Variants in TBC1D5 observed in about 807,000 individuals in gnomAD.
TBC1D5 encodes the protein TBC1 domain family member 5.
A neutral mutation model predicts 100.3 loss-of-function variants in TBC1D5; 75 were observed. That is an observed-to-expected ratio of 0.75 (90% CI 0.62 to 0.91). The LOEUF (loss-of-function observed/expected upper bound fraction) is 0.91, where lower values mean the gene tolerates loss of function less well. TBC1D5 is among the 40% of genes least tolerant of loss of function. The probability of loss-of-function intolerance (pLI) is 0.00; values close to 1 mark genes in which losing one functional copy is unlikely to be tolerated. For synonymous variants in TBC1D5, 323 were observed against 325.6 expected, an observed-to-expected ratio of 0.99 and a Z score of 0.09; for missense variants, 910 against 942.4, an observed-to-expected ratio of 0.97 and a Z score of 0.45.
intron 8 of TBC1D5, among the ~76,000 whole-genome samples, chr3:17,394,065 G>C (rs761678775): frequency 2.0e-5 from 3 of 152,016 alleles, no homozygotes; most frequent in Non-Finnish European, 2.9e-5. Flanking sequence ...AGAGATCAGG[G>C]ATCTGCTAAA....
intron 14 of TBC1D5, among the ~76,000 whole-genome samples, chr3:17,303,700 A>G (rs999275514): frequency 6.6e-5 from 10 of 151,976 alleles, no homozygotes; most frequent in Non-Finnish European, 1.5e-4. Context: ...AATTTTCCCT[A>G]ATCTTTTCCT....
intron 2 of TBC1D5, among the ~76,000 whole-genome samples, chr3:17,555,244 T>C (rs1220688249): frequency 1.3e-5 from 2 of 152,204 alleles, no homozygotes; most frequent in Non-Finnish European, 2.9e-5. Flanking sequence ...TTTAGAAGTT[T>C]ATTTTGCCAA....
intron 1 of TBC1D5, among the ~76,000 whole-genome samples, chr3:17,667,734 G>A (rs966312318): frequency 1.9e-4 from 29 of 152,108 alleles, no homozygotes; most frequent in Non-Finnish European, 2.9e-4. Context: ...TTACAAGCAT[G>A]AGCCACGGTG....
intron 15 of TBC1D5, among the ~76,000 whole-genome samples, chr3:17,273,692 A>T (rs1164338364): frequency 6.6e-6 from 1 of 151,890 alleles, no homozygotes; most frequent in Non-Finnish European, 1.5e-5. Context: ...CTGTAATCCC[A>T]GCTACTTGGG....
At chr3:17,627,844 A>C (rs2063183962) in intron 1 of TBC1D5, among the ~76,000 whole-genome samples, 1 of 152,182 alleles carries the variant, frequency 6.6e-6, no homozygotes, top group Non-Finnish European at 1.5e-5. Context: ...CATGCAAAGT[A>C]AATGCCCATA....
intron 13 of TBC1D5, among the ~76,000 whole-genome samples, chr3:17,344,151 T>A (rs1223538414): frequency 6.6e-6 from 1 of 152,158 alleles, no homozygotes; most frequent in African/African-American, 2.4e-5. Flanking sequence ...GACATGATTG[T>A]ATTATCTAGA....
chr3:17,193,818 C>A (rs1466163845), intron 18 of TBC1D5, among the ~76,000 whole-genome samples: 1 of 152,178 alleles, frequency 6.6e-6, no homozygotes, highest in Non-Finnish European at 1.5e-5. Context: ...ATAGCTAATA[C>A]ATGTAAAATG....
At chr3:17,657,648 C>A (rs2153733931) in intron 1 of TBC1D5, among the ~76,000 whole-genome samples, 1 of 152,256 alleles carries the variant, frequency 6.6e-6, no homozygotes, top group African/African-American at 2.4e-5. Flanking sequence ...CAAATTCTTT[C>A]TTTAGCTGCA....
At chr3:17,302,991 G>A (rs2083012437) in intron 14 of TBC1D5, among the ~76,000 whole-genome samples, 1 of 152,188 alleles carries the variant, frequency 6.6e-6, no homozygotes, top group Admixed American at 6.6e-5. Flanking sequence ...GAAAGCTGGG[G>A]CTGGCAAATT....
chr3:17,245,022 C>CAAAA (rs34531807), intron 16 of TBC1D5, among the ~76,000 whole-genome samples: 78 of 34,836 alleles, frequency 2.2e-3, no homozygotes, highest in Non-Finnish European at 2.3e-3. Context: ...CCTGTCTCTA[C>CAAAA]AAAAAAAAAA....
intron 1 of TBC1D5, among the ~76,000 whole-genome samples, chr3:17,709,177 A>G (rs763309267): frequency 4.6e-5 from 7 of 152,236 alleles, no homozygotes; most frequent in Non-Finnish European, 7.3e-5. Flanking sequence ...GAATACAAAG[A>G]GTTTTAAATA....
intron 15 of TBC1D5, among the ~76,000 whole-genome samples, chr3:17,289,111 G>C (rs1246324692): frequency 6.6e-6 from 1 of 152,212 alleles, no homozygotes; most frequent in African/African-American, 2.4e-5. Flanking sequence ...TCTACCATGG[G>C]AGTGGCTTGC....
chr3:17,356,792 G>T (rs9830240), intron 13 of TBC1D5, among the ~76,000 whole-genome samples: 74,348 of 151,750 alleles, frequency 0.49, 19,442 homozygotes, highest in African/African-American at 0.64. Context: ...ACACACCCTG[G>T]GGTTCTGAAA....
At chr3:17,160,788 C>T in exon 22 of TBC1D5, 1 of 819,680 alleles carries the variant, frequency 1.2e-6, no homozygotes, top group Non-Finnish European at 1.8e-6. Context: ...AGCCTCTGTG[C>T]TTTGTGGCCA....
intron 3 of TBC1D5, among the ~76,000 whole-genome samples, chr3:17,501,491 C>T (rs1181125039): frequency 6.7e-6 from 1 of 148,796 alleles, no homozygotes; most frequent in Non-Finnish European, 1.5e-5. Flanking sequence ...CCACCCTCAC[C>T]ATCCCTGTTA....
At chr3:17,430,413 C>G (rs370055986) in intron 3 of TBC1D5, among the ~76,000 whole-genome samples, 15 of 151,432 alleles carry the variant, frequency 9.9e-5, no homozygotes, top group African/African-American at 2.7e-4. Context: ...TATAAACAAC[C>G]AGGTTTTATC....
At chr3:17,639,156 A>C (rs1318478363) in intron 1 of TBC1D5, among the ~76,000 whole-genome samples, 1 of 152,198 alleles carries the variant, frequency 6.6e-6, no homozygotes, top group Non-Finnish European at 1.5e-5. Flanking sequence ...ATGTTTTGAC[A>C]AGACATACTA....
chr3:17,621,665 G>A (rs1263351304), intron 2 of TBC1D5, among the ~76,000 whole-genome samples: 1 of 151,138 alleles, frequency 6.6e-6, no homozygotes, highest in East Asian at 1.9e-4. Flanking sequence ...CACTACAGTT[G>A]TGTCCTGTCT....
Position 17,328,612 on chromosome 3 carries a change from T to C in TBC1D5, c.996-20478A>G, listed in dbSNP as rs111272138. ...TTATGTCACGATGCCACTCAAAAATTTGCAGTGCTGAGTTGCTAGCTTCTA... is the reference window on the plus strand; with the variant it reads ...TTATGTCACGATGCCACTCAAAAATCTGCAGTGCTGAGTTGCTAGCTTCTA... On this transcript the variant is annotated intron_variant, in intron 13 of 21. Transcript: ENST00000253692. Among the ~76,000 whole-genome samples, 1,016 of 152,334 alleles carry C rather than the reference T, an allele frequency of 6.7e-3. 5 individuals carry two copies. Among genetic ancestry groups the C allele is most frequent in the African/African-American group, 0.023 (939 of 41,576 alleles).
Sources: gnomAD v4.1 joint callset for allele counts (sites outside exome capture counted in the v4.1 genomes callset) on GRCh38, gnomAD v4.1.1 for gene constraint, MANE v1.5 for transcripts, NCBI Gene and HGNC (gene_info 2026-07-23, HGNC 2026-07-21) for gene names.